The following RBFOX1 variants were observed in gnomAD, a reference collection of about 807,000 sequenced individuals.
The protein encoded by RBFOX1 is RNA binding protein fox-1 homolog 1.
RBFOX1 carries 8 observed loss-of-function variants against 57.7 expected under a neutral mutation model. The ratio of observed to expected loss-of-function variants is 0.14; its 90% confidence interval spans 0.08 to 0.25. The LOEUF is 0.25. Among genes scored for constraint, RBFOX1 ranks in the 10% least tolerant of loss-of-function variants. The probability of loss-of-function intolerance (pLI) is 1.00; values close to 1 mark genes in which losing one functional copy is unlikely to be tolerated. For missense variants in RBFOX1, 611 were observed against 548.5 expected, an observed-to-expected ratio of 1.11 and a Z score of -1.14; for synonymous variants, 326 against 222.4, an observed-to-expected ratio of 1.47 and a Z score of -4.15.
Position 7,231,642 on chromosome 16 carries a change from G to A in RBFOX1, c.27+179544G>A, listed in dbSNP as rs144239608. 4.2e-3 allele frequency among the ~76,000 whole-genome samples: 642 copies of A among 152,216 alleles called. 3 individuals are homozygous for A. Among genetic ancestry groups the A allele is most frequent in the African/African-American group, 0.014 (591 of 41,526 alleles). ...GCCAAAAAGCAAAGACAACCCAAATGCCTATCAATAAATTTATCAATAAAT... is the reference window on the plus strand; with the variant it reads ...GCCAAAAAGCAAAGACAACCCAAATACCTATCAATAAATTTATCAATAAAT... On this transcript the variant is annotated intron_variant, in intron 4 of 15. Transcript: ENST00000550418.
chr16:7,187,079 G>T (rs959939037), intron 4 of RBFOX1, among the ~76,000 whole-genome samples: 8 of 151,248 alleles, frequency 5.3e-5, no homozygotes, highest in African/African-American at 1.9e-4. Flanking sequence ...GAGGTAGGAG[G>T]ACCACTTTAG....
chr16:6,758,252 C>T (rs972226156), intron 3 of RBFOX1, among the ~76,000 whole-genome samples: 4 of 152,032 alleles, frequency 2.6e-5, no homozygotes, highest in Admixed American at 2.0e-4. Flanking sequence ...AATCAGTCCT[C>T]TGCTTGCTTT....
chr16:6,531,353 G>T (rs1366405746), intron 2 of RBFOX1, among the ~76,000 whole-genome samples: 1 of 152,074 alleles, frequency 6.6e-6, no homozygotes, highest in African/African-American at 2.4e-5. Context: ...ATGGCTTTGT[G>T]GGTGAGCTGA....
At chr16:5,449,691 C>T (rs185810587) in intron 1 of RBFOX1, among the ~76,000 whole-genome samples, 3 of 152,166 alleles carry the variant, frequency 2.0e-5, no homozygotes, top group Admixed American at 6.5e-5. Context: ...TCACTGCAAC[C>T]GCAAACTCCT....
intron 3 of RBFOX1, among the ~76,000 whole-genome samples, chr16:6,854,090 T>G (rs2057353318): frequency 6.6e-6 from 1 of 152,190 alleles, no homozygotes; most frequent in African/African-American, 2.4e-5. Flanking sequence ...AAGCTGAGTG[T>G]GATAATGTTT....
chr16:6,367,629 A>G (rs1044103178), intron 2 of RBFOX1, among the ~76,000 whole-genome samples: 1 of 152,128 alleles, frequency 6.6e-6, no homozygotes, highest in Non-Finnish European at 1.5e-5. Flanking sequence ...GAATATGTAA[A>G]TAAAAATACC....
chr16:5,855,949 G>C (rs1213900349), intron 3 of RBFOX1, among the ~76,000 whole-genome samples: 1 of 120,270 alleles, frequency 8.3e-6, no homozygotes, highest in African/African-American at 3.0e-5. Context: ...CAACTCTTTG[G>C]TTAAGTTTAT....
chr16:6,978,499 C>T (rs751188301), intron 3 of RBFOX1, among the ~76,000 whole-genome samples: 1 of 152,124 alleles, frequency 6.6e-6, no homozygotes, highest in African/African-American at 2.4e-5. Flanking sequence ...ATTATTATCT[C>T]CATTTTACAG....
chr16:6,651,224 T>G (rs77738057), intron 2 of RBFOX1, among the ~76,000 whole-genome samples: 1 of 152,056 alleles, frequency 6.6e-6, no homozygotes, highest in Non-Finnish European at 1.5e-5. Context: ...TGTTTGTAAC[T>G]CCCTACACAA....
chr16:5,949,525 C>G (rs74316137), intron 4 of RBFOX1, among the ~76,000 whole-genome samples: 3 of 32,300 alleles, frequency 9.3e-5, no homozygotes, highest in African/African-American at 1.3e-4. Flanking sequence ...GAGTCCATCT[C>G]AAAAAAAAAA....
intron 3 of RBFOX1, among the ~76,000 whole-genome samples, chr16:5,633,123 G>T (rs561424993): frequency 3.9e-5 from 6 of 152,094 alleles, no homozygotes; most frequent in African/African-American, 1.4e-4. Flanking sequence ...ATTTTTAATA[G>T]AGACGGAATT....
chr16:6,821,983 A>G lies in RBFOX1; in HGVS notation c.-16+167333A>G, dbSNP rs922215457. Among the ~76,000 whole-genome samples the G allele has an allele frequency of 2.6e-5, 4 of 152,124 alleles. No homozygotes were observed. In the East Asian group the frequency reaches 7.7e-4, roughly 29 times the overall value. On this transcript the variant is annotated intron_variant, in intron 3 of 15. Transcript: ENST00000550418. The stretch of plus-strand genomic sequence containing the variant: ...TGCCTCTACTGTTTGGGGATGGATG[A>G]TACTTCGCTGACATACCTTCTACAT...
intron 3 of RBFOX1, among the ~76,000 whole-genome samples, chr16:6,765,804 A>G (rs1310889623): frequency 6.6e-6 from 1 of 152,218 alleles, no homozygotes; most frequent in African/African-American, 2.4e-5. Flanking sequence ...ACTCAGCCAT[A>G]AAAAAGAATG....
At chr16:6,259,295 G>T (rs1398108977) in intron 1 of RBFOX1, among the ~76,000 whole-genome samples, 2 of 151,994 alleles carry the variant, frequency 1.3e-5, no homozygotes, top group Admixed American at 6.6e-5. Flanking sequence ...TGCTTTGCTG[G>T]AGGTCTTTTC....
At chr16:7,265,607 C>G (rs2095098895) in intron 4 of RBFOX1, among the ~76,000 whole-genome samples, 2 of 152,032 alleles carry the variant, frequency 1.3e-5, no homozygotes, top group South Asian at 4.2e-4. Flanking sequence ...CACCACCACG[C>G]CTGGCTAATT....
chr16:6,960,251 G>A (rs2082678593), intron 3 of RBFOX1, among the ~76,000 whole-genome samples: 1 of 152,162 alleles, frequency 6.6e-6, no homozygotes, highest in South Asian at 2.1e-4. Context: ...TAAATTTACT[G>A]AGGCTGCAGA....
chr16:5,638,644 C>T (rs74004448), intron 3 of RBFOX1, among the ~76,000 whole-genome samples: 2 of 152,108 alleles, frequency 1.3e-5, no homozygotes, highest in African/African-American at 4.8e-5. Flanking sequence ...TTTTTATTCA[C>T]TGTAGATTCT....
At chr16:5,972,529 C>G (rs1483683630) in intron 4 of RBFOX1, among the ~76,000 whole-genome samples, 1 of 152,116 alleles carries the variant, frequency 6.6e-6, no homozygotes, top group Non-Finnish European at 1.5e-5. Context: ...GGGAGTTGGC[C>G]CTTATGGCTA....
intron 4 of RBFOX1, among the ~76,000 whole-genome samples, chr16:7,155,754 CACACACACACATATATATACAG>C (rs1376612517): frequency 4.3e-5 from 6 of 138,216 alleles, no homozygotes; most frequent in African/African-American, 1.7e-4. Flanking sequence ...CACACACACA[CACACACACACATATATATACAG>C]ACACATATAT....
Sources: gnomAD v4.1 joint callset for allele counts (sites outside exome capture counted in the v4.1 genomes callset) on GRCh38, gnomAD v4.1.1 for gene constraint, MANE v1.5 for transcripts, NCBI Gene and HGNC (gene_info 2026-07-23, HGNC 2026-07-21) for gene names.